Variants in SOX5 observed in about 807,000 individuals in gnomAD.
SOX5 encodes the protein SRY-box transcription factor 5.
Under a neutral mutation model 92.0 loss-of-function variants are expected in SOX5, and 9 were observed. That is an observed-to-expected ratio of 0.10 (90% CI 0.06 to 0.17). SOX5 has a LOEUF of 0.17. Ranked by LOEUF, SOX5 falls within the 10% of genes least tolerant of loss-of-function variation. The pLI is 1.00. For synonymous variants in SOX5, 344 were observed against 336.3 expected (o/e 1.02, Z -0.25); for missense variants, 642 against 944.5 (o/e 0.68, Z 4.20).
intron 1 of SOX5, among the ~76,000 whole-genome samples, chr12:23,943,500 T>C (rs1354021362): frequency 1.3e-5 from 2 of 152,060 alleles, no homozygotes; most frequent in Non-Finnish European, 2.9e-5. Context: ...TATTGCATGA[T>C]CATCAGATAC....
At chr12:24,495,760 A>T (rs572014301) in intron 1 of SOX5, among the ~76,000 whole-genome samples, 21 of 152,356 alleles carry the variant, frequency 1.4e-4, no homozygotes, top group Admixed American at 3.9e-4. Context: ...TAATGAAACA[A>T]GAGAAGGTGT....
intron 6 of SOX5, among the ~76,000 whole-genome samples, chr12:23,720,484 T>G (rs2092752998): frequency 6.6e-6 from 1 of 152,216 alleles, no homozygotes; most frequent in South Asian, 2.1e-4. Context: ...TACATTCATC[T>G]GTACTTTTAT....
chr12:23,625,271 C>G (rs1336063429), intron 8 of SOX5, among the ~76,000 whole-genome samples: 1 of 152,150 alleles, frequency 6.6e-6, no homozygotes, highest in Non-Finnish European at 1.5e-5. Flanking sequence ...CACTTCCTTC[C>G]CAATCTCTGA....
At chr12:24,443,037 C>T (rs540256017) in intron 1 of SOX5, among the ~76,000 whole-genome samples, 90 of 150,430 alleles carry the variant, frequency 6.0e-4, no homozygotes, top group Middle Eastern at 3.5e-3. Flanking sequence ...CTGCCACCTC[C>T]GCCTCCTGGA....
At chr12:23,959,801 TAATGAAA>T (rs1201616805) in intron 4 of SOX5, among the ~76,000 whole-genome samples, 1 of 152,192 alleles carries the variant, frequency 6.6e-6, no homozygotes, top group African/African-American at 2.4e-5. Context: ...TCTTCCATTA[TAATGAAA>T]AATGCAATTT....
chr12:23,867,876 T>C (rs1305613458), intron 2 of SOX5, among the ~76,000 whole-genome samples: 1 of 151,758 alleles, frequency 6.6e-6, no homozygotes, highest in Non-Finnish European at 1.5e-5. Context: ...ATAAAAATTA[T>C]TACCTTTATT....
At chr12:23,600,552 T>TATATATATACAC (rs745640453) in intron 9 of SOX5, among the ~76,000 whole-genome samples, 2 of 95,238 alleles carry the variant, frequency 2.1e-5, no homozygotes, top group African/African-American at 3.4e-5. Context: ...TATATATATA[T>TATATATATACAC]ACACATACTT....
At chr12:24,274,828 C>G (rs1204133807) in intron 3 of SOX5, among the ~76,000 whole-genome samples, 1 of 151,468 alleles carries the variant, frequency 6.6e-6, no homozygotes, top group East Asian at 1.9e-4. Flanking sequence ...AACTGCAGTA[C>G]TCAACCTCTT....
chr12:24,559,740 C>G (rs1410288349), intron 1 of SOX5, among the ~76,000 whole-genome samples: 1 of 152,170 alleles, frequency 6.6e-6, no homozygotes, highest in Non-Finnish European at 1.5e-5. Flanking sequence ...AAACTTCACT[C>G]TTTTGCTATT....
intron 1 of SOX5, among the ~76,000 whole-genome samples, chr12:24,553,716 A>G (rs973195915): frequency 2.0e-5 from 3 of 152,194 alleles, no homozygotes; most frequent in African/African-American, 7.2e-5. Flanking sequence ...ATGAGAATAG[A>G]GAATTTGTGG....
At chr12:24,098,250 G>T (rs1945662864) in intron 4 of SOX5, among the ~76,000 whole-genome samples, 1 of 152,064 alleles carries the variant, frequency 6.6e-6, no homozygotes, top group African/African-American at 2.4e-5. Context: ...AACCACTTAG[G>T]TCTATAAACA....
intron 4 of SOX5, among the ~76,000 whole-genome samples, chr12:24,105,296 T>C (rs1946548907): frequency 6.7e-6 from 1 of 148,984 alleles, no homozygotes; most frequent in Non-Finnish European, 1.5e-5. Context: ...ATCCCAGCAT[T>C]TTGGGATGTC....
intron 6 of SOX5, among the ~76,000 whole-genome samples, chr12:23,730,254 A>G (rs2093341402): frequency 6.6e-6 from 1 of 152,208 alleles, no homozygotes; most frequent in Non-Finnish European, 1.5e-5. Context: ...TTCTAGAAAG[A>G]TATCTTATTC....
intron 1 of SOX5, among the ~76,000 whole-genome samples, chr12:24,536,831 A>G (rs565302351): frequency 6.6e-6 from 1 of 152,354 alleles, no homozygotes; most frequent in African/African-American, 2.4e-5. Context: ...GAATTCAAGG[A>G]TTCAAATCAA....
chr12:24,069,977 G>A lies in SOX5; in HGVS notation c.-2+143366C>T, dbSNP rs7302211. Among the ~76,000 whole-genome samples the A allele has an allele frequency of 4.8e-3, 731 of 152,204 alleles. 4 individuals carry two copies. The highest frequency in any genetic ancestry group is 0.017 in the African/African-American group (711 of 41,526). ...TGCTTCTTGACAATCATGGGGAGGA[G>A]CTAGCCAGGCCTAACATTACACCAG... On this transcript the variant is annotated intron_variant, in intron 4 of 4. Coordinates refer to the SOX5 transcript ENST00000446891.
intron 4 of SOX5, among the ~76,000 whole-genome samples, chr12:23,970,841 A>ATATATATATATATTTTTTTTTTTTTT: frequency 2.7e-4 from 6 of 21,882 alleles, no homozygotes; most frequent in Admixed American, 7.7e-4. Context: ...TATATATATA[A>ATATATATATATATTTTTTTTTTTTTT]TTTTTTTTTT....
chr12:24,302,036 T>C (rs1441293401), intron 2 of SOX5, among the ~76,000 whole-genome samples: 2 of 152,156 alleles, frequency 1.3e-5, no homozygotes, highest in South Asian at 2.1e-4. Context: ...TTTAGTGTAA[T>C]AGACATGTTT....
intron 1 of SOX5, among the ~76,000 whole-genome samples, chr12:24,438,851 G>T (rs1019004587): frequency 2.0e-5 from 3 of 152,198 alleles, no homozygotes; most frequent in Non-Finnish European, 1.5e-5. Context: ...TGGTGAAGAT[G>T]CTGTGAACAT....
chr12:24,140,755 G>A (rs150002638), intron 4 of SOX5, among the ~76,000 whole-genome samples: 63 of 152,194 alleles, frequency 4.1e-4, no homozygotes, highest in Admixed American at 9.2e-4. Context: ...AATTTTTACC[G>A]TTCAATAGAA....
Sources: allele counts gnomAD v4.1 joint callset (sites outside exome capture counted in the v4.1 genomes callset), GRCh38; gene constraint gnomAD v4.1.1; transcripts MANE v1.5; gene names NCBI Gene and HGNC (gene_info 2026-07-23, HGNC 2026-07-21).